The following SGCZ variants were observed in gnomAD, a reference collection of about 807,000 sequenced individuals.
The protein encoded by SGCZ is sarcoglycan zeta, also known as zeta-sarcoglycan.
Under a neutral mutation model 41.3 loss-of-function variants are expected in SGCZ, and 40 were observed. The ratio of observed to expected loss-of-function variants is 0.97; its 90% CI spans 0.75 to 1.26. The LOEUF is 1.26. Among genes scored for constraint, SGCZ ranks in the 50% most tolerant of loss-of-function variants. The pLI is 0.00. For synonymous variants in SGCZ, 206 were observed against 137.5 expected (o/e 1.50, Z -3.49); for missense variants, 552 against 369.8 (o/e 1.49, Z -4.04).
At chr8:14,183,289 TACACACACAC>T (rs35770709) in intron 4 of SGCZ, among the ~76,000 whole-genome samples, 1 of 149,988 alleles carries the variant, frequency 6.7e-6, no homozygotes, top group Non-Finnish European at 1.5e-5. Flanking sequence ...TTTTTACATG[TACACACACAC>T]ACACACACAC....
chr8:14,588,247 T>C (rs565070950), intron 1 of SGCZ, among the ~76,000 whole-genome samples: 12 of 150,918 alleles, frequency 8.0e-5, no homozygotes, highest in African/African-American at 2.9e-4. Flanking sequence ...TCCCAGTCTG[T>C]CTTTAAAGGA....
At chr8:14,209,686 T>G (rs761941600) in intron 4 of SGCZ, among the ~76,000 whole-genome samples, 20 of 152,178 alleles carry the variant, frequency 1.3e-4, no homozygotes, top group Non-Finnish European at 2.4e-4. Context: ...GCTATGCCTA[T>G]TTTACATTTA....
intron 5 of SGCZ, among the ~76,000 whole-genome samples, chr8:14,130,223 T>C (rs1802996023): frequency 6.6e-6 from 1 of 151,818 alleles, no homozygotes; most frequent in Admixed American, 6.6e-5. Context: ...TTCATGTATA[T>C]AAACACACAC....
chr8:14,140,817 A>T (rs991307137), intron 5 of SGCZ, among the ~76,000 whole-genome samples: 1 of 152,172 alleles, frequency 6.6e-6, no homozygotes, highest in Non-Finnish European at 1.5e-5. Context: ...TTGGAAAAAA[A>T]CTACTTTAAA....
intron 1 of SGCZ, among the ~76,000 whole-genome samples, chr8:15,208,657 G>A (rs11988045): frequency 0.78 from 118,769 of 152,002 alleles, 46,863 homozygotes; most frequent in Non-Finnish European, 0.83. Context: ...CAATGTGTCA[G>A]TTGAGGCATT....
chr8:14,361,064 T>C (rs1353034671), intron 2 of SGCZ, among the ~76,000 whole-genome samples: 1 of 152,242 alleles, frequency 6.6e-6, no homozygotes, highest in Non-Finnish European at 1.5e-5. Context: ...TCCATGTGCT[T>C]TTTTGCCATC....
At chr8:14,554,960 G>T in intron 1 of SGCZ, 34 bp from the exon 2 acceptor site, 1 of 1,368,520 alleles carries the variant, frequency 7.3e-7, no homozygotes. Context: ...GAGAAAGAAG[G>T]AAAAAAAAAG....
At chr8:15,042,581 A>G (rs991993224) in intron 1 of SGCZ, among the ~76,000 whole-genome samples, 4 of 152,168 alleles carry the variant, frequency 2.6e-5, no homozygotes, top group Admixed American at 2.0e-4. Context: ...CTACAACCAG[A>G]TTATTACTTG....
At chr8:14,796,111 TG>T in intron 1 of SGCZ, among the ~76,000 whole-genome samples, 1 of 152,236 alleles carries the variant, frequency 6.6e-6, no homozygotes, top group South Asian at 2.1e-4. Flanking sequence ...TCTTTGCTAT[TG>T]TGAATAGTTC....
chr8:14,214,560 T>C (rs1805926640), intron 4 of SGCZ, among the ~76,000 whole-genome samples: 1 of 152,090 alleles, frequency 6.6e-6, no homozygotes, highest in Non-Finnish European at 1.5e-5. Flanking sequence ...TGATTTAAAA[T>C]AAAAGTGTAT....
intron 1 of SGCZ, among the ~76,000 whole-genome samples, chr8:15,189,654 G>A (rs1276112522): frequency 5.3e-5 from 8 of 151,650 alleles, no homozygotes; most frequent in Admixed American, 2.6e-4. Context: ...TGGAACCTCT[G>A]CCTCCTACCT....
intron 1 of SGCZ, among the ~76,000 whole-genome samples, chr8:15,089,878 T>C (rs1806086832): frequency 6.6e-6 from 1 of 152,224 alleles, no homozygotes; most frequent in Non-Finnish European, 1.5e-5. Flanking sequence ...CAGTTAATAC[T>C]GTGTTCAGAG....
intron 1 of SGCZ, among the ~76,000 whole-genome samples, chr8:14,827,995 C>G (rs1264275813): frequency 2.0e-5 from 3 of 152,114 alleles, no homozygotes; most frequent in African/African-American, 7.2e-5. Context: ...AAAATAAACT[C>G]GTACTACTTG....
chr8:14,311,180 G>A (rs1018777768), intron 3 of SGCZ, among the ~76,000 whole-genome samples: 2 of 152,182 alleles, frequency 1.3e-5, no homozygotes, highest in South Asian at 4.1e-4. Context: ...GTTGATTCAT[G>A]CACAGTAATT....
chr8:14,358,495 G>A (rs925886773), intron 2 of SGCZ, among the ~76,000 whole-genome samples: 1 of 152,018 alleles, frequency 6.6e-6, no homozygotes, highest in Non-Finnish European at 1.5e-5. Context: ...TATAAAATAT[G>A]TTATATGTCA....
chr8:14,793,900 GA>G (rs770353721), intron 1 of SGCZ, among the ~76,000 whole-genome samples: 8 of 152,098 alleles, frequency 5.3e-5, no homozygotes, highest in Non-Finnish European at 1.2e-4. Flanking sequence ...ATATGCTTAA[GA>G]AATGCAAAAT....
At position 14,762,843 on chromosome 8, in the gene SGCZ, T is replaced by G. The variant is rs564629750; in HGVS notation, c.40-207917A>C. Among the ~76,000 whole-genome samples, 59 of 152,192 alleles carry G rather than the reference T, an allele frequency of 3.9e-4. 1 individual carries two copies. Among genetic ancestry groups the G allele is most frequent in the Non-Finnish European group, 7.2e-4 (49 of 68,008 alleles). On this transcript the variant is annotated intron_variant, in intron 1 of 7. Coordinates refer to ENST00000382080, the MANE Select transcript of SGCZ (RefSeq NM_139167.4). ...GCAAAGAGATATCTCTGTCTTCAAA[T>G]GATCAGTTAGTATAACAAGATAGAA...
intron 2 of SGCZ, among the ~76,000 whole-genome samples, chr8:14,381,206 T>C (rs914771343): frequency 5.3e-5 from 8 of 152,374 alleles, no homozygotes; most frequent in Non-Finnish European, 8.8e-5. Flanking sequence ...GGAATTCTAA[T>C]GTTTTTGGCC....
intron 1 of SGCZ, among the ~76,000 whole-genome samples, chr8:14,838,165 G>C (rs139628766): frequency 6.6e-6 from 1 of 152,164 alleles, no homozygotes; most frequent in Admixed American, 6.6e-5. Context: ...AAGCTAGGAA[G>C]GGTAGTGGGA....
Sources: gnomAD v4.1 joint callset for allele counts (sites outside exome capture counted in the v4.1 genomes callset) on GRCh38, gnomAD v4.1.1 for gene constraint, MANE v1.5 for transcripts, NCBI Gene and HGNC (gene_info 2026-07-23, HGNC 2026-07-21) for gene names.